CYP4F12: variants seen among roughly 807,000 people sequenced by gnomAD.
The protein encoded by CYP4F12 is cytochrome P450 4F12.
CYP4F12 carries 60 observed loss-of-function variants against 56.5 expected under a neutral mutation model. The observed-to-expected ratio is 1.06, with a 90% confidence interval of 0.86 to 1.32. The LOEUF is 1.32. Among genes scored for constraint, CYP4F12 ranks in the 40% most tolerant of loss-of-function variants. CYP4F12 has a pLI of 0.00. For missense variants in CYP4F12, 711 were observed against 683.5 expected (o/e 1.04, Z -0.45); for synonymous variants, 263 against 264.9 (o/e 0.99, Z 0.07).
intron 9 of CYP4F12, among the ~76,000 whole-genome samples, chr19:15,692,472 T>G (rs964128239): frequency 6.6e-6 from 1 of 152,184 alleles, no homozygotes; most frequent in Non-Finnish European, 1.5e-5. Flanking sequence ...TAATGATTTA[T>G]GCATATAAAT....
chr19:15,685,273 T>A, intron 9 of CYP4F12, 76 bp downstream of exon 9: 1 of 1,555,732 alleles, frequency 6.4e-7, no homozygotes, highest in Non-Finnish European at 8.7e-7. Flanking sequence ...GGTGGAGGAG[T>A]TGTTTTGTGG....
chr19:15,685,004 C>T (rs2007529328), intron 8 of CYP4F12, 64 bp from the exon 9 acceptor site: 1 of 1,589,588 alleles, frequency 6.3e-7, no homozygotes, highest in Non-Finnish European at 8.6e-7. Context: ...CTCCTGAGGG[C>T]CTCAATATCT....
intron 3 of CYP4F12, 50 bp downstream of exon 3, chr19:15,678,455 G>A (rs1376453177): frequency 3.7e-6 from 6 of 1,610,206 alleles, no homozygotes; most frequent in Non-Finnish European, 5.1e-6. Context: ...GCTTCTGTGT[G>A]GTCTCTGCAG....
Position 15,680,237 on chromosome 19 carries a change from A to G in CYP4F12, c.344-7A>G. On this transcript the variant is annotated splice_region_variant and splice_polypyrimidine_tract_variant and intron_variant, in intron 3 of 12. Coordinates refer to ENST00000550308, the MANE Select transcript of CYP4F12 (RefSeq NM_023944.4). ...ACATGGCCCCTGATGGTCCTCGTTC[A>G]TGTCAGCTGCCATTGCACCCAAGGA... 1 of 1,595,498 alleles carries G rather than the reference A, an allele frequency of 6.3e-7. No individual in the cohort carries two copies. Among genetic ancestry groups the G allele is most frequent in the Non-Finnish European group, 8.5e-7 (1 of 1,170,902 alleles).
chr19:15,695,740 T>C (rs2008099025), intron 9 of CYP4F12, among the ~76,000 whole-genome samples, 196 bp from the exon 10 acceptor site: 1 of 152,220 alleles, frequency 6.6e-6, no homozygotes, highest in African/African-American at 2.4e-5. Context: ...TTTTTATCTA[T>C]TTGGCTAAAT....
rs757093352 is a variant in CYP4F12 at position 15,696,101 on chromosome 19, G to A, written c.1249+32G>A. The A allele has an allele frequency of 4.3e-6, 7 of 1,610,554 alleles. No individual in the cohort carries two copies. The African/African-American group carries it at 6.7e-5, about 15-fold the overall frequency. On this transcript the variant is annotated intron_variant, in intron 10 of 12. Transcript: ENST00000550308. ...ACAGCCTCAGGGGGAGAAGCCTCCC[G>A]GGTAGGAAGATGGTTCCCTCAGGGG...
At chr19:15,684,565 C>T (rs963831869) in intron 7 of CYP4F12, 16 of 431,556 alleles carry the variant, frequency 3.7e-5, no homozygotes, top group African/African-American at 2.4e-4. Flanking sequence ...TGAAAATATT[C>T]GAGAACCATT....
intron 3 of CYP4F12, among the ~76,000 whole-genome samples, chr19:15,678,789 A>AT (rs1298705863): frequency 6.6e-6 from 1 of 152,082 alleles, no homozygotes; most frequent in Non-Finnish European, 1.5e-5. Flanking sequence ...AATAAGTAGG[A>AT]TTTTTTAAGT....
intron 9 of CYP4F12, among the ~76,000 whole-genome samples, chr19:15,691,379 C>T (rs613601): frequency 0.28 from 43,255 of 152,098 alleles, 6,706 homozygotes; most frequent in African/African-American, 0.4. Context: ...AATTGTTGAA[C>T]CAAAGACCAT....
intron 9 of CYP4F12, among the ~76,000 whole-genome samples, chr19:15,691,797 T>C (rs2007883920): frequency 6.6e-6 from 1 of 152,122 alleles, no homozygotes; most frequent in Admixed American, 6.6e-5. Flanking sequence ...TATTTTCTTT[T>C]GTACCACACT....
intron 2 of CYP4F12, among the ~76,000 whole-genome samples, chr19:15,677,069 GTCCTCACTCACTCATTCCTC>G (rs1555748140): frequency 1.2e-4 from 1 of 8,646 alleles, no homozygotes; most frequent in Non-Finnish European, 2.4e-4. Flanking sequence ...AGTCATTCCT[GTCCTCACTCACTCATTCCTC>G]TCCTCACTCA....
chr19:15,684,533 A>G (rs1386615406), intron 7 of CYP4F12: 1 of 367,832 alleles, frequency 2.7e-6, no homozygotes, highest in Non-Finnish European at 4.8e-6. Flanking sequence ...TTTTCTCTGA[A>G]AGTCTGTATT....
At position 15,693,489 on chromosome 19, in the gene CYP4F12, TC is replaced by T. The variant is rs1482730054; in HGVS notation, c.1116-2446del. On this transcript the variant is annotated intron_variant, in intron 9 of 12. Transcript: ENST00000550308. ...TGTTTTTTTGGCTGCATAAATGTCT[TC>T]TTTTGAGAAGTGTCTGTTCATGTCC... Among the ~76,000 whole-genome samples, 5 of 152,058 alleles carry T rather than the reference TC, an allele frequency of 3.3e-5. No individual in the cohort carries two copies. The East Asian group carries it at 7.7e-4, about 23-fold the overall frequency.
In CYP4F12 at chr19:15,684,770, G is replaced by GTGTGTA. The variant is rs772677739; in HGVS notation, c.919-41_919-40insATGTGT. 3 of 951,538 alleles carry GTGTGTA rather than the reference G, an allele frequency of 3.2e-6. No homozygotes were observed. The East Asian group carries it at 9.1e-5, about 29-fold the overall frequency. The allele number at this position is 951,538 out of a possible 1,614,324, so 58.9% of individuals were successfully genotyped here. On this transcript the variant is annotated intron_variant, in intron 7 of 12. Coordinates refer to ENST00000550308, the MANE Select transcript of CYP4F12 (RefSeq NM_023944.4). ...GATAGTATAATTTGTGTGTGTGTGTGTGTGTGTGTGTGTGTGTGTGTGTGT... is the reference window on the plus strand; with the variant it reads ...GATAGTATAATTTGTGTGTGTGTGTGTGTGTATGTGTGTGTGTGTGTGTGTGTGTGT...
chr19:15,681,843 T>TA (rs1158402725), intron 5 of CYP4F12: 1 of 152,694 alleles, frequency 6.5e-6, no homozygotes, highest in Admixed American at 6.5e-5. Flanking sequence ...TGGAGATGAA[T>TA]AAAGCAAACA....
chr19:15,681,675 A>G (rs146961054), intron 5 of CYP4F12: 3,481 of 152,202 alleles, frequency 0.023, 14 homozygotes, highest in African/African-American at 0.08. Context: ...TCATTGCCTT[A>G]TCTCTCCAGG....
intron 9 of CYP4F12, among the ~76,000 whole-genome samples, chr19:15,693,699 C>T (rs1016186336): frequency 6.0e-5 from 9 of 150,914 alleles, no homozygotes; most frequent in Non-Finnish European, 1.0e-4. Context: ...TTAATTAGAT[C>T]CCATTTGTCA....
chr19:15,696,236 C>T lies in CYP4F12; in HGVS notation c.1314+11C>T, dbSNP rs371738234. 8.9e-5 allele frequency: 144 copies of T among 1,613,920 alleles called. No individual in the cohort carries two copies. Among genetic ancestry groups the T allele is most frequent in the South Asian group, 4.1e-4 (37 of 91,072 alleles). ...TGGCCGGATCCTGAGGTGCTGCCTTCCCCATTCACCACCACCACCCCCATC... is the reference window on the plus strand; with the variant it reads ...TGGCCGGATCCTGAGGTGCTGCCTTTCCCATTCACCACCACCACCCCCATC... On this transcript the variant is annotated intron_variant, in intron 11 of 12. Transcript: ENST00000550308.
At chr19:15,696,641 T>C in intron 12 of CYP4F12, 129 bp downstream of exon 12, 2 of 1,225,436 alleles carry the variant, frequency 1.6e-6, no homozygotes, top group South Asian at 2.9e-5. Flanking sequence ...TGGGAAAACG[T>C]CCATAGAATG....
Sources: gnomAD v4.1 joint callset for allele counts (sites outside exome capture counted in the v4.1 genomes callset) on GRCh38, gnomAD v4.1.1 for gene constraint, MANE v1.5 for transcripts, NCBI Gene and HGNC (gene_info 2026-07-23, HGNC 2026-07-21) for gene names.